The following RPS6KC1 variants were observed in gnomAD, a reference collection of about 807,000 sequenced individuals.
RPS6KC1 encodes ribosomal protein S6 kinase C1, also known as inactive ribosomal protein S6 kinase delta-1.
Under a neutral mutation model 103.8 loss-of-function variants are expected in RPS6KC1, and 54 were observed. The ratio of observed to expected loss-of-function variants is 0.52; its 90% CI spans 0.42 to 0.65. The LOEUF (loss-of-function observed/expected upper bound fraction) is 0.65, where lower values mean the gene tolerates loss of function less well. RPS6KC1 is among the 30% of genes least tolerant of loss of function. The probability of loss-of-function intolerance (pLI) is 0.00; values close to 1 mark genes in which losing one functional copy is unlikely to be tolerated. For missense variants in RPS6KC1, 1,151 were observed against 1,253.8 expected (o/e 0.92, Z 1.24); for synonymous variants, 439 against 438.7 (o/e 1.00, Z -0.01).
At chr1:213,601,735 C>T in the RPS6KC1 span, among the ~76,000 whole-genome samples, 1 of 151,918 alleles carries the variant, frequency 6.6e-6, no homozygotes, top group Non-Finnish European at 1.5e-5. Flanking sequence ...ATTCTGTCCT[C>T]TCTCTATGAT....
chr1:213,215,206 A>G (rs980453169), intron 8 of RPS6KC1, among the ~76,000 whole-genome samples: 7 of 152,266 alleles, frequency 4.6e-5, no homozygotes, highest in African/African-American at 7.2e-5. Context: ...GCTGAAAACC[A>G]TGGCACGAGA....
At chr1:213,545,512 A>G in the RPS6KC1 span, among the ~76,000 whole-genome samples, 1 of 152,032 alleles carries the variant, frequency 6.6e-6, no homozygotes, top group African/African-American at 2.4e-5. Context: ...GCCTCTTCAC[A>G]TTATCTTTCC....
chr1:213,619,509 G>T, the RPS6KC1 span, among the ~76,000 whole-genome samples: 1 of 152,216 alleles, frequency 6.6e-6, no homozygotes, highest in Non-Finnish European at 1.5e-5. Flanking sequence ...AGCTTTGTGA[G>T]CACTAAAGAA....
intron 1 of RPS6KC1, among the ~76,000 whole-genome samples, chr1:213,069,049 C>A (rs1015248286): frequency 5.3e-5 from 8 of 151,776 alleles, no homozygotes; most frequent in African/African-American, 1.9e-4. Flanking sequence ...CAGAGTGAGA[C>A]CCTGTCTCTT....
At chr1:213,678,161 G>T in the RPS6KC1 span, among the ~76,000 whole-genome samples, 12 of 152,184 alleles carry the variant, frequency 7.9e-5, no homozygotes, top group Non-Finnish European at 1.6e-4. Context: ...TATTAATTTG[G>T]TGTTATTAAT....
At chr1:213,243,763 A>AT (rs1001160128) in intron 12 of RPS6KC1, among the ~76,000 whole-genome samples, 12 of 151,446 alleles carry the variant, frequency 7.9e-5, no homozygotes, top group South Asian at 2.1e-4. Flanking sequence ...TTTCAAGCTG[A>AT]TTTTTTTTTG....
intron 2 of RPS6KC1, among the ~76,000 whole-genome samples, chr1:213,074,884 G>C (rs953458549): frequency 9.7e-6 from 1 of 102,890 alleles, no homozygotes; most frequent in African/African-American, 3.9e-5. Flanking sequence ...ACGGAGTCTC[G>C]CTCTGTCACC....
the RPS6KC1 span, among the ~76,000 whole-genome samples, chr1:213,317,977 T>C: frequency 6.6e-6 from 1 of 152,228 alleles, no homozygotes; most frequent in Non-Finnish European, 1.5e-5. Context: ...ACCTGCCTCA[T>C]GGGGCAAGCA....
chr1:213,804,624 T>A, the RPS6KC1 span, among the ~76,000 whole-genome samples: 8 of 152,248 alleles, frequency 5.3e-5, no homozygotes, highest in Non-Finnish European at 1.2e-4. Context: ...CCTTCTAGCA[T>A]ACAATGTAAT....
chr1:213,569,394 A>G, the RPS6KC1 span, among the ~76,000 whole-genome samples: 4 of 152,180 alleles, frequency 2.6e-5, no homozygotes, highest in African/African-American at 9.7e-5. Flanking sequence ...CTAAGGATCC[A>G]GTGATCAAGG....
chr1:213,474,838 G>C, the RPS6KC1 span, among the ~76,000 whole-genome samples: 34 of 152,198 alleles, frequency 2.2e-4, no homozygotes, highest in African/African-American at 7.9e-4. Context: ...AAGGTCACTG[G>C]TTAGCTATGA....
the RPS6KC1 span, among the ~76,000 whole-genome samples, chr1:213,387,832 G>A: frequency 1.3e-5 from 2 of 152,226 alleles, no homozygotes; most frequent in African/African-American, 4.8e-5. Context: ...ACAAGACATG[G>A]ATGTTTTTGG....
chr1:213,137,752 G>GCTCTCTCT (rs149436919), intron 6 of RPS6KC1, among the ~76,000 whole-genome samples: 1,641 of 12,112 alleles, frequency 0.14, 210 homozygotes, highest in South Asian at 0.31. Flanking sequence ...AGTCCAGTTT[G>GCTCTCTCT]CTCTCTCTCT....
At chr1:213,442,597 G>A in the RPS6KC1 span, among the ~76,000 whole-genome samples, 8 of 152,174 alleles carry the variant, frequency 5.3e-5, no homozygotes, top group Non-Finnish European at 1.2e-4. Context: ...TTGTATTGTG[G>A]AGAGGATTAA....
intron 5 of RPS6KC1, among the ~76,000 whole-genome samples, chr1:213,123,669 T>C (rs897846070): frequency 1.3e-5 from 2 of 152,224 alleles, no homozygotes; most frequent in African/African-American, 4.8e-5. Context: ...CTGGTATGTA[T>C]GTCTTCTACC....
At chr1:213,209,540 A>AC (rs1369256975) in intron 8 of RPS6KC1, among the ~76,000 whole-genome samples, 5 of 151,912 alleles carry the variant, frequency 3.3e-5, no homozygotes, top group African/African-American at 1.2e-4. Context: ...TACTAAAAAT[A>AC]CAAAATTAGC....
At chr1:213,856,236 C>G in the RPS6KC1 span, among the ~76,000 whole-genome samples, 1 of 151,958 alleles carries the variant, frequency 6.6e-6, no homozygotes, top group Non-Finnish European at 1.5e-5. Context: ...GTGTCGGGTC[C>G]CTGTTAGACA....
At chr1:213,109,431 C>A (rs777519216) in intron 4 of RPS6KC1, among the ~76,000 whole-genome samples, 1 of 152,168 alleles carries the variant, frequency 6.6e-6, no homozygotes, top group Non-Finnish European at 1.5e-5. Context: ...GCAACCGTGC[C>A]CGGCCCGATA....
At chr1:213,574,856 T>C in the RPS6KC1 span, among the ~76,000 whole-genome samples, 4 of 152,112 alleles carry the variant, frequency 2.6e-5, no homozygotes, top group African/African-American at 9.7e-5. Flanking sequence ...GCTTGGGGTG[T>C]GGGCTGGCAA....
Sources: allele counts gnomAD v4.1 joint callset (sites outside exome capture counted in the v4.1 genomes callset), GRCh38; gene constraint gnomAD v4.1.1; transcripts MANE v1.5; gene names NCBI Gene and HGNC (gene_info 2026-07-23, HGNC 2026-07-21).